MTMR3: variants seen among roughly 807,000 people sequenced by gnomAD.
The protein encoded by MTMR3 is phosphatidylinositol-3,5-bisphosphate 3-phosphatase MTMR3.
MTMR3 carries 32 observed loss-of-function variants against 132.4 expected under a neutral mutation model. The observed-to-expected ratio is 0.24, with a 90% CI of 0.18 to 0.32. The LOEUF is 0.32. Among genes scored for constraint, MTMR3 ranks in the 10% least tolerant of loss-of-function variants. The pLI, the probability that MTMR3 is intolerant of heterozygous loss-of-function variation, is 1.00. For missense variants in MTMR3, 1,216 were observed against 1,489.6 expected, an observed-to-expected ratio of 0.82 and a Z score of 3.02; for synonymous variants, 556 against 550.3, an observed-to-expected ratio of 1.01 and a Z score of -0.14.
intron 7 of MTMR3, chr22:29,997,219 C>T (rs1447420924): frequency 6.6e-6 from 1 of 152,102 alleles, no homozygotes; most frequent in Non-Finnish European, 1.5e-5. Flanking sequence ...TATAGCTCTC[C>T]TTCAGGAAAT....
intron 1 of MTMR3, among the ~76,000 whole-genome samples, chr22:29,955,965 T>A (rs747949272): frequency 2.6e-5 from 4 of 152,096 alleles, no homozygotes; most frequent in Non-Finnish European, 5.9e-5. Context: ...TTGGCCAGGC[T>A]GGTCTTGAAC....
chr22:29,957,798 C>G (rs2066229306), intron 2 of MTMR3, among the ~76,000 whole-genome samples: 2 of 152,096 alleles, frequency 1.3e-5, no homozygotes, highest in African/African-American at 4.8e-5. Context: ...CTTTTGCTTT[C>G]CAAGGTTCAG....
At chr22:30,022,739 G>C in intron 19 of MTMR3, 42 bp downstream of exon 19, 1 of 1,547,862 alleles carries the variant, frequency 6.5e-7, no homozygotes, top group East Asian at 2.3e-5. Flanking sequence ...GTGTGTGGAG[G>C]TTGAGGGTCG....
chr22:29,891,411 C>T (rs2064797782), intron 1 of MTMR3, among the ~76,000 whole-genome samples: 1 of 148,834 alleles, frequency 6.7e-6, no homozygotes, highest in Admixed American at 6.8e-5. Flanking sequence ...GTATATATAA[C>T]ATATATATAT....
intron 1 of MTMR3, among the ~76,000 whole-genome samples, chr22:29,933,489 T>A (rs994958825): frequency 1.3e-5 from 2 of 152,164 alleles, no homozygotes. Flanking sequence ...ATTTTTAATC[T>A]TCTTAACTAA....
chr22:29,905,178 AC>A (rs1463046769), intron 1 of MTMR3, among the ~76,000 whole-genome samples: 5 of 151,874 alleles, frequency 3.3e-5, no homozygotes, highest in Non-Finnish European at 7.4e-5. Flanking sequence ...GGGTTCCAGG[AC>A]CCCCACATAC....
At position 30,008,265 on chromosome 22, in the gene MTMR3, G is replaced by A. The variant is rs112192660; in HGVS notation, c.1009+233G>A. ...TAATCTTCCTTCCTTGTGCCAACTT[G>A]TAGGTGATAAGGAAAGCAGATCTTC... On this transcript the variant is annotated intron_variant, in intron 11 of 19. Coordinates refer to ENST00000401950, the MANE Select transcript of MTMR3 (RefSeq NM_021090.4). 2.4e-3 allele frequency: 1,086 copies of A among 455,834 alleles called. 9 individuals are homozygous for A. Among genetic ancestry groups the A allele is most frequent in the African/African-American group, 0.019 (948 of 50,156 alleles). 28.2% of individuals were successfully genotyped at this position (455,834 alleles called of 1,614,324 possible). A position where few individuals can be genotyped will look rare whatever the true frequency, so the allele number is the denominator to read the frequency against.
chr22:29,898,410 A>T (rs1051599068), intron 1 of MTMR3, among the ~76,000 whole-genome samples: 2 of 152,074 alleles, frequency 1.3e-5, no homozygotes, highest in Non-Finnish European at 2.9e-5. Context: ...CTAGATAGTT[A>T]TAAGTTTTTT....
chr22:29,962,910 CTTTTT>C (rs892383539), intron 2 of MTMR3, among the ~76,000 whole-genome samples: 1 of 133,622 alleles, frequency 7.5e-6, no homozygotes, highest in Non-Finnish European at 1.6e-5. Context: ...TCTCTTTTTT[CTTTTT>C]TTTTTTTTTT....
intron 1 of MTMR3, among the ~76,000 whole-genome samples, chr22:29,956,598 G>A (rs754770630): frequency 2.0e-5 from 3 of 152,126 alleles, no homozygotes; most frequent in Non-Finnish European, 4.4e-5. Context: ...TTAAACAAAA[G>A]GTCAGATCCC....
intron 1 of MTMR3, among the ~76,000 whole-genome samples, chr22:29,940,123 C>T (rs2065827961): frequency 6.6e-6 from 1 of 152,074 alleles, no homozygotes; most frequent in South Asian, 2.1e-4. Flanking sequence ...AAAAAATTAG[C>T]CGGGCGTGGT....
At chr22:29,936,165 G>A (rs775154946) in intron 1 of MTMR3, among the ~76,000 whole-genome samples, 1 of 152,148 alleles carries the variant, frequency 6.6e-6, no homozygotes, top group Non-Finnish European at 1.5e-5. Flanking sequence ...TCGTAATGTA[G>A]ACCAAGATTA....
At chr22:29,972,903 A>G (rs1242356956) in intron 3 of MTMR3, among the ~76,000 whole-genome samples, 3 of 152,144 alleles carry the variant, frequency 2.0e-5, no homozygotes, top group Admixed American at 1.3e-4. Flanking sequence ...TTCATGTCTC[A>G]TATGTATGTT....
chr22:29,998,626 G>A, intron 7 of MTMR3, 135 bp from the exon 8 acceptor site: 1 of 436,618 alleles, frequency 2.3e-6, no homozygotes, highest in Non-Finnish European at 3.9e-6. Context: ...CTATGTGACA[G>A]AGTGGAATCC....
rs368954944 is a variant in MTMR3 at position 30,019,649 on chromosome 22, G to A, written c.1990G>A (p.Asp664Asn). 47 of 1,614,046 alleles carry A rather than the reference G, an allele frequency of 2.9e-5. No homozygotes were observed. Among genetic ancestry groups the A allele is most frequent in the African/African-American group, 4.0e-5 (3 of 74,920 alleles). The change falls in exon 17 of 20, where the codon GAC becomes AAC. Residue 664 changes from aspartate to asparagine, a missense_variant. Asp to Asn is a conservative substitution (Grantham distance 23). Coordinates refer to ENST00000401950, the MANE Select transcript of MTMR3 (RefSeq NM_021090.4). ...CCCTGGAGAGGATCCCCTTTCTGCCGACAGCCTAGGGAAGCCCACCAGAGT... is the reference window on the plus strand; with the variant it reads ...CCCTGGAGAGGATCCCCTTTCTGCCAACAGCCTAGGGAAGCCCACCAGAGT... ...AGPGEDPLSADSLGKPTRVPG... is the reference protein window; with the variant it reads ...AGPGEDPLSANSLGKPTRVPG...
At chr22:29,927,314 A>G (rs553577758) in intron 1 of MTMR3, among the ~76,000 whole-genome samples, 1 of 152,018 alleles carries the variant, frequency 6.6e-6, no homozygotes, top group Admixed American at 6.6e-5. Flanking sequence ...TCCTTTTTTC[A>G]TGGTTGTTTT....
intron 5 of MTMR3, chr22:29,983,641 T>G (rs1047397502): frequency 6.6e-6 from 1 of 152,198 alleles, no homozygotes; most frequent in Non-Finnish European, 1.5e-5. Flanking sequence ...AGTGGGTTTT[T>G]GGTGGTTGTT....
intron 1 of MTMR3, among the ~76,000 whole-genome samples, chr22:29,932,508 A>C (rs748424854): frequency 1.0e-3 from 157 of 152,314 alleles, no homozygotes; most frequent in Non-Finnish European, 2.0e-3. Context: ...GAAGGCACGG[A>C]AGTGATCAAG....
intron 1 of MTMR3, among the ~76,000 whole-genome samples, chr22:29,946,090 A>T (rs1277893623): frequency 6.6e-6 from 1 of 152,036 alleles, no homozygotes; most frequent in Non-Finnish European, 1.5e-5. Context: ...AGTCAATTTG[A>T]TGGAAAAAGT....
Sources: gnomAD v4.1 joint callset for allele counts (sites outside exome capture counted in the v4.1 genomes callset) on GRCh38, gnomAD v4.1.1 for gene constraint, MANE v1.5 for transcripts, NCBI Gene and HGNC (gene_info 2026-07-23, HGNC 2026-07-21) for gene names.